Variants in TECPR1 observed in about 807,000 individuals in gnomAD.
TECPR1 encodes tectonin beta-propeller repeat containing 1.
Under a neutral mutation model 162.4 loss-of-function variants are expected in TECPR1, and 122 were observed. That is an observed-to-expected ratio of 0.75 (90% CI 0.65 to 0.87). TECPR1 has a LOEUF of 0.87. Among genes scored for constraint, TECPR1 ranks in the 40% least tolerant of loss-of-function variants. The pLI is 0.00. For missense variants in TECPR1, 1,432 were observed against 1,618.2 expected, an observed-to-expected ratio of 0.88 and a Z score of 1.97; for synonymous variants, 642 against 670.6, an observed-to-expected ratio of 0.96 and a Z score of 0.66.
chr7:98,220,624 T>TGC (rs1798117778), intron 23 of TECPR1, among the ~76,000 whole-genome samples: 1 of 151,210 alleles, frequency 6.6e-6, no homozygotes. Context: ...AGTGACGCAA[T>TGC]CTCGGCTCAC....
intron 17 of TECPR1, among the ~76,000 whole-genome samples, chr7:98,227,200 G>A (rs1798298030): frequency 2.0e-5 from 3 of 150,500 alleles, no homozygotes; most frequent in South Asian, 2.1e-4. Flanking sequence ...AAGACCAGTC[G>A]GACCAACATG....
rs1798824708 is a variant in TECPR1 at position 98,243,556 on chromosome 7, G to A, written c.568C>T (p.Pro190Ser). 6.2e-7 allele frequency: 1 copy of A among 1,612,594 alleles called. No individual in the cohort carries two copies. The highest frequency in any genetic ancestry group is 8.5e-7 in the Non-Finnish European group (1 of 1,179,784). ...CCCCCTACAGAGAGGTCGTTGAAGG[G>A]GTCGGGCAGCTCCTTGGGGTCATCC... Reference protein sequence around the residue: ...SKDDPKELPDPFNDLSVGGWE... With the variant: ...SKDDPKELPDSFNDLSVGGWE... The change falls in exon 6 of 26, where the codon CCC becomes TCC. Residue 190 changes from proline to serine, a missense_variant. By Grantham distance (74) the Pro-to-Ser change is moderately conservative (BLOSUM62 -1). Transcript: ENST00000447648.
chr7:98,233,300 T>G, intron 11 of TECPR1, 121 bp downstream of exon 11: 2 of 1,264,540 alleles, frequency 1.6e-6, no homozygotes, highest in Non-Finnish European at 2.1e-6. Context: ...CTGAGCACAG[T>G]GAGGCGTCCA....
In TECPR1 at chr7:98,233,083, C is replaced by T; in HGVS notation, c.1673-111G>A. 7.6e-6 allele frequency: 10 copies of T among 1,311,406 alleles called. No individual in the cohort carries two copies. The East Asian group carries it at 9.7e-5, about 13-fold the overall frequency. 81.2% of individuals were successfully genotyped at this position (1,311,406 alleles called of 1,614,324 possible). The stretch of plus-strand genomic sequence containing the variant: ...AGCCCTTTCTAGCTCAAAAGCTACG[C>T]TCTCTGTTAAGCCTCCTTCCACCCT... On this transcript the variant is annotated intron_variant, in intron 11 of 25. Coordinates refer to ENST00000447648, the MANE Select transcript of TECPR1 (RefSeq NM_015395.3).
chr7:98,246,802 C>T (rs908512015), intron 2 of TECPR1, among the ~76,000 whole-genome samples: 3 of 151,122 alleles, frequency 2.0e-5, no homozygotes, highest in Non-Finnish European at 2.9e-5. Context: ...AGGCTGGTCT[C>T]GAACTCCTGA....
In TECPR1 at chr7:98,231,330, A is replaced by G; in HGVS notation, c.2018T>C (p.Val673Ala). ...FLNEVVALVPVLNETKHSFAL... is the reference protein window; with the variant it reads ...FLNEVVALVPALNETKHSFAL... ...AAAGGAGTGCTTGGTCTCGTTCAGCACTGGGACCAGCGCCACCACCTCATT... is the reference window on the plus strand; with the variant it reads ...AAAGGAGTGCTTGGTCTCGTTCAGCGCTGGGACCAGCGCCACCACCTCATT... The change falls in exon 14 of 26, where the codon GTG (valine) becomes GCG (alanine). Residue 673 changes from valine to alanine, a missense_variant. Transcript: ENST00000447648. 1 of 1,611,008 alleles carries G rather than the reference A, an allele frequency of 6.2e-7. No homozygotes were observed. Among genetic ancestry groups the G allele is most frequent in the Non-Finnish European group, 8.5e-7 (1 of 1,178,734 alleles).
chr7:98,229,722 CCTGTCA>C, intron 15 of TECPR1, among the ~76,000 whole-genome samples: 1 of 152,286 alleles, frequency 6.6e-6, no homozygotes, highest in South Asian at 2.1e-4. Context: ...CGGCCGAGGC[CCTGTCA>C]CTGTCACTGT....
chr7:98,217,656 G>A (rs1326928534), intron 25 of TECPR1, 36 bp downstream of exon 25: 20 of 1,522,890 alleles, frequency 1.3e-5, no homozygotes, highest in Middle Eastern at 2.1e-4. Flanking sequence ...CAGGCACAAG[G>A]TGATAACACA....
In TECPR1 at chr7:98,216,375, G is replaced by A. The variant is rs1268820229; in HGVS notation, c.*1015C>T. The A allele has an allele frequency of 6.6e-6, 1 of 152,436 alleles. No homozygotes were observed. Among genetic ancestry groups the A allele is most frequent in the Non-Finnish European group, 1.5e-5 (1 of 68,218 alleles). 9.4% of individuals were successfully genotyped at this position (152,436 alleles called of 1,614,324 possible). A position where few individuals can be genotyped will look rare whatever the true frequency, so the allele number is the denominator to read the frequency against. On this transcript the variant is annotated 3_prime_UTR_variant, in exon 26 of 26. Coordinates refer to ENST00000447648, the MANE Select transcript of TECPR1 (RefSeq NM_015395.3). ...GACATCCAAGAAGCCCCTGTCACCA[G>A]CGCATCTGGGGAAGGGGCCGAATGG...
chr7:98,235,827 C>CAAAAAAAAAAAAAAAAAAA (rs765569294), intron 10 of TECPR1, among the ~76,000 whole-genome samples: 27 of 36,622 alleles, frequency 7.4e-4, no homozygotes, highest in African/African-American at 1.2e-3. Context: ...GAGACTGTCT[C>CAAAAAAAAAAAAAAAAAAA]AAAAAAAAAA....
At chr7:98,230,341 T>C (rs1039418207) in intron 15 of TECPR1, among the ~76,000 whole-genome samples, 1 of 151,926 alleles carries the variant, frequency 6.6e-6, no homozygotes, top group Non-Finnish European at 1.5e-5. Flanking sequence ...AACAGAACAA[T>C]GTCTCCTAGG....
At chr7:98,225,319 G>T (rs982961885) in intron 17 of TECPR1, among the ~76,000 whole-genome samples, 4 of 152,232 alleles carry the variant, frequency 2.6e-5, no homozygotes, top group African/African-American at 9.6e-5. Flanking sequence ...CAGATCACCT[G>T]AGGTCAGGAG....
At chr7:98,248,717 C>T (rs1014873081) in intron 2 of TECPR1, among the ~76,000 whole-genome samples, 2 of 151,620 alleles carry the variant, frequency 1.3e-5, no homozygotes, top group Non-Finnish European at 1.5e-5. Flanking sequence ...CACAGTGGCG[C>T]GTGCCTGTAA....
At position 98,245,981 on chromosome 7, in the gene TECPR1, C is replaced by T. The variant is rs374938175; in HGVS notation, c.166G>A (p.Val56Met). ...WGIACDNQVY[V>M]YVCASDVPIR... is the part of the protein sequence containing the mutation. ...GGGACATCGCTGGCACACACATACA[C>T]GTAGACCTGGTTGTCACAGGCAATG... is the stretch of plus-strand genomic sequence containing the variant. Residue 56 changes from valine (V) to methionine (M), a missense_variant, in exon 3 of 26, where the codon GTG becomes ATG. Transcript: ENST00000447648. The T allele has an allele frequency of 1.1e-5, 17 of 1,606,940 alleles. No homozygotes were observed. Among genetic ancestry groups the T allele is most frequent in the South Asian group, 3.3e-5 (3 of 89,686 alleles).
chr7:98,222,651 A>G, intron 21 of TECPR1, 130 bp from the exon 22 acceptor site: 1 of 1,143,236 alleles, frequency 8.7e-7, no homozygotes. Context: ...GGAGTCACAC[A>G]GCCCCACCCG....
At chr7:98,224,941 C>G (rs1256505428) in intron 18 of TECPR1, 61 bp from the exon 19 acceptor site, 7 of 1,544,128 alleles carry the variant, frequency 4.5e-6, no homozygotes, top group Non-Finnish European at 5.3e-6. Flanking sequence ...TCAGAACACT[C>G]GAGGAGGGGC....
chr7:98,217,140 A>T lies in TECPR1; in HGVS notation c.*250T>A, dbSNP rs1798031056. On this transcript the variant is annotated 3_prime_UTR_variant, in exon 26 of 26. Transcript: ENST00000447648. ...GGTGGGAGGGGCCTCTGGGAGGTGC[A>T]GCCCCACCCCATGCCCCACACCCCG... 4.5e-6 allele frequency: 2 copies of T among 446,300 alleles called. No homozygotes were observed. Among genetic ancestry groups the T allele is most frequent in the Non-Finnish European group, 8.0e-6 (2 of 251,508 alleles). The allele number at this position is 446,300 out of a possible 1,614,324, so 27.6% of individuals were successfully genotyped here. A position where few individuals can be genotyped will look rare whatever the true frequency, so the allele number is the denominator to read the frequency against.
In TECPR1 at chr7:98,215,783, C is replaced by T. The variant is rs1380825815; in HGVS notation, c.*1607G>A. ...CAGGGTGGTTCCAGGTGGCCACCAC[C>T]GCCAGGCCCTTCCCGTGATTGATCT... On this transcript the variant is annotated 3_prime_UTR_variant, in exon 26 of 26. Transcript: ENST00000447648. The T allele has an allele frequency of 7.2e-5, 11 of 152,348 alleles. No individual in the cohort carries two copies. Among genetic ancestry groups the T allele is most frequent in the South Asian group, 6.2e-4 (3 of 4,830 alleles). 9.4% of individuals were successfully genotyped at this position (152,348 alleles called of 1,614,324 possible). A position where few individuals can be genotyped will look rare whatever the true frequency, so the allele number is the denominator to read the frequency against.
In TECPR1 at chr7:98,223,659, C is replaced by T. The variant is rs1033874517; in HGVS notation, c.2747+3G>A. 1.2e-6 allele frequency: 2 copies of T among 1,613,700 alleles called. No homozygotes were observed. The highest frequency in any genetic ancestry group is 1.7e-5 in the Admixed American group (1 of 60,004). ...TGACAGTCACCCTGCAGCCCTGCCT[C>T]ACCTGGCCCAGCACCTCCTCCTCAC... On this transcript the variant is annotated splice_donor_region_variant and intron_variant, in intron 20 of 25. Transcript: ENST00000447648.
Sources: allele counts gnomAD v4.1 joint callset (sites outside exome capture counted in the v4.1 genomes callset), GRCh38; gene constraint gnomAD v4.1.1; transcripts MANE v1.5; gene names NCBI Gene and HGNC (gene_info 2026-07-23, HGNC 2026-07-21).